Variants in KAT14 observed in about 807,000 individuals in gnomAD.
KAT14 encodes lysine acetyltransferase 14.
A neutral mutation model predicts 78.4 loss-of-function variants in KAT14; 66 were observed. That is an observed-to-expected ratio of 0.84 (90% CI 0.69 to 1.03). KAT14 has a LOEUF of 1.03. Ranked by LOEUF, KAT14 falls within the 50% of genes least tolerant of loss-of-function variation. The probability of loss-of-function intolerance (pLI) is 0.00; values close to 1 mark genes in which losing one functional copy is unlikely to be tolerated. For synonymous variants in KAT14, 344 were observed against 359.4 expected (o/e 0.96, Z 0.48); for missense variants, 870 against 972.5 (o/e 0.89, Z 1.40).
At chr20:18,149,525 G>T (rs2037960176) in intron 3 of KAT14, among the ~76,000 whole-genome samples, 1 of 152,192 alleles carries the variant, frequency 6.6e-6, no homozygotes, top group East Asian at 1.9e-4. Flanking sequence ...TTGAAACTTG[G>T]TTAGTGAAGG....
At chr20:18,137,604 G>C (rs1380666244), upstream of KAT14, among the ~76,000 whole-genome samples, 1 of 152,198 alleles carries the variant, frequency 6.6e-6, no homozygotes, top group African/African-American at 2.4e-5. Flanking sequence ...CCCGGGGTGA[G>C]GTTGGTACTG....
chr20:18,164,934 T>C (rs1189784500), intron 7 of KAT14, among the ~76,000 whole-genome samples: 1 of 152,146 alleles, frequency 6.6e-6, no homozygotes. Context: ...TATTCACCTG[T>C]TCTTTGTTCT....
intron 1 of KAT14, among the ~76,000 whole-genome samples, chr20:18,138,777 T>C (rs554144368): frequency 6.6e-6 from 1 of 152,288 alleles, no homozygotes; most frequent in East Asian, 1.9e-4. Flanking sequence ...TCAGTTCATA[T>C]TTTCTTTCTT....
Position 18,145,181 on chromosome 20 carries a change from G to GT in KAT14, c.260-50dup, listed in dbSNP as rs1199362558. ...GGTGATAAACGGATTAAACCTTTAG[G>GT]TTACCGCTGCTCTAGATAAACCCAT... On this transcript the variant is annotated intron_variant, in intron 2 of 10. Coordinates refer to ENST00000688188, the MANE Select transcript of KAT14 (RefSeq NM_001392073.1). 10 of 1,593,918 alleles carry GT rather than the reference G, an allele frequency of 6.3e-6. No individual in the cohort carries two copies. In the East Asian group the frequency reaches 2.0e-4, roughly 32 times the overall value.
At chr20:18,172,211 T>C (rs536761258) in intron 7 of KAT14, among the ~76,000 whole-genome samples, 82 of 151,540 alleles carry the variant, frequency 5.4e-4, no homozygotes, top group Admixed American at 9.9e-4. Flanking sequence ...AAGCGATTCT[T>C]CTGCCTCAGC....
rs79948152 is a variant in KAT14 at position 18,173,002 on chromosome 20, G to A, written c.1669-8708G>A. Among the ~76,000 whole-genome samples, 582 of 152,306 alleles carry A rather than the reference G, an allele frequency of 3.8e-3. 5 individuals are homozygous for A. Among genetic ancestry groups the A allele is most frequent in the African/African-American group, 0.013 (545 of 41,576 alleles). ...AGCTGGGACAGGATGGCTAGAGGGT[G>A]TGAAGTTAGGTATTTCTCTTCCCCC... On this transcript the variant is annotated intron_variant, in intron 7 of 10. Coordinates refer to ENST00000688188, the MANE Select transcript of KAT14 (RefSeq NM_001392073.1).
upstream of KAT14, chr20:18,137,761 T>A: frequency 2.0e-6 from 1 of 500,186 alleles, no homozygotes; most frequent in Non-Finnish European, 3.3e-6. Context: ...AAGCCAAGAG[T>A]TCGTAGAGCC....
In KAT14 at chr20:18,183,207, G is replaced by A. The variant is rs377654180; in HGVS notation, c.1890G>A (p.Thr630=). Residue 630 remains threonine (T), a synonymous_variant, in exon 9 of 11, where the codon ACG becomes ACA. Coordinates refer to ENST00000688188, the MANE Select transcript of KAT14 (RefSeq NM_001392073.1). ...SHLHRSDPHW[T]PEPDAPLDYC... is the part of the protein sequence containing the mutation. ...TGCACAGGAGCGACCCTCACTGGACGCCGGAGCCCGACGCACCTCTCGATT... is the reference window on the plus strand; with the variant it reads ...TGCACAGGAGCGACCCTCACTGGACACCGGAGCCCGACGCACCTCTCGATT... The A allele has an allele frequency of 4.3e-6, 7 of 1,613,958 alleles. No homozygotes were observed. Among genetic ancestry groups the A allele is most frequent in the African/African-American group, 1.3e-5 (1 of 74,878 alleles).
intron 7 of KAT14, among the ~76,000 whole-genome samples, chr20:18,165,740 G>T (rs544310621): frequency 6.6e-6 from 1 of 152,194 alleles, no homozygotes; most frequent in African/African-American, 2.4e-5. Context: ...TCACCATAGC[G>T]TATGCATCAG....
At chr20:18,184,291 A>T (rs921931497) in intron 9 of KAT14, among the ~76,000 whole-genome samples, 3 of 152,162 alleles carry the variant, frequency 2.0e-5, no homozygotes, top group African/African-American at 7.2e-5. Context: ...ACATTTTGAA[A>T]TGTGCCAAGC....
At chr20:18,186,244 C>T (rs1358445670) in intron 10 of KAT14, among the ~76,000 whole-genome samples, 1 of 152,174 alleles carries the variant, frequency 6.6e-6, no homozygotes. Flanking sequence ...CCAGCCAGAC[C>T]ATACCCCTGA....
In KAT14 at chr20:18,137,875, T is replaced by A; in HGVS notation, c.-630T>A. 1 of 1,373,126 alleles carries A rather than the reference T, an allele frequency of 7.3e-7. No homozygotes were observed. Among genetic ancestry groups the A allele is most frequent in the Non-Finnish European group, 9.5e-7 (1 of 1,054,542 alleles). The allele number at this position is 1,373,126 out of a possible 1,614,324, so 85.1% of individuals were successfully genotyped here. ...CGCTCGAGGGGTCGAGCCTGGGCAG[T>A]ACAGGCGGCGGTGCGCACTCTGCGG... On this transcript the variant is annotated 5_prime_UTR_variant, in exon 1 of 11. Coordinates refer to ENST00000688188, the MANE Select transcript of KAT14 (RefSeq NM_001392073.1).
chr20:18,144,649 GACTAAGAA>G lies in KAT14; in HGVS notation c.260-582_260-575del, dbSNP rs2037751665. Among the ~76,000 whole-genome samples the G allele has an allele frequency of 2.6e-5, 4 of 152,168 alleles. No homozygotes were observed. The South Asian group carries it at 8.3e-4, about 32-fold the overall frequency. On this transcript the variant is annotated intron_variant, in intron 2 of 10. Transcript: ENST00000688188. ...CACAGAGCATCAGCATCACCTGAGGGACTAAGAAATGTAACTCCTAGGCTCTGCTTCAG... is the reference window on the plus strand; with the variant it reads ...CACAGAGCATCAGCATCACCTGAGGGATGTAACTCCTAGGCTCTGCTTCAG...
intron 1 of KAT14, among the ~76,000 whole-genome samples, chr20:18,140,756 G>C (rs1233587694): frequency 7.0e-6 from 1 of 143,034 alleles, no homozygotes. Context: ...AGATTGCAGT[G>C]AGCTAAGATC....
chr20:18,187,782 A>G lies in KAT14; in HGVS notation c.*323A>G. On this transcript the variant is annotated 3_prime_UTR_variant, in exon 11 of 11. Transcript: ENST00000688188. ...CATCTAACCTGATGCTCTTGGAGAG[A>G]GATAACCTGTCTGTCATAACTTAAA... 1 of 332,618 alleles carries G rather than the reference A, an allele frequency of 3.0e-6. No individual in the cohort carries two copies. The highest frequency in any genetic ancestry group is 5.5e-6 in the Non-Finnish European group (1 of 182,146). The allele number at this position is 332,618 out of a possible 1,614,324, so 20.6% of individuals were successfully genotyped here.
intron 7 of KAT14, among the ~76,000 whole-genome samples, 155 bp downstream of exon 7, chr20:18,163,100 G>A (rs933835471): frequency 3.3e-5 from 5 of 152,324 alleles, no homozygotes; most frequent in African/African-American, 1.2e-4. Context: ...TACAAAAATC[G>A]CTGGGCTTTA....
intron 2 of KAT14, among the ~76,000 whole-genome samples, chr20:18,143,615 A>AT (rs201858697): frequency 0.16 from 15,302 of 98,444 alleles, 2,131 homozygotes; most frequent in Non-Finnish European, 0.2. Context: ...CACCTGGCTA[A>AT]TTTTTTTTTT....
rs1047022156 is a variant in KAT14 at position 18,162,769 on chromosome 20, C to G, written c.1492C>G (p.Gln498Glu). Residue 498 changes from glutamine (Q) to glutamate (E), a missense_variant, in exon 7 of 11, where the codon CAA (glutamine) becomes GAA (glutamate). Coordinates refer to ENST00000688188, the MANE Select transcript of KAT14 (RefSeq NM_001392073.1). ...RRLKRKLIVR[Q>E]AKRDRGLPLF... ...ACTGAAACGCAAACTGATTGTCAGA[C>G]AAGCGAAAAGGGATAGGGGATTACC... 1 of 1,614,236 alleles carries G rather than the reference C, an allele frequency of 6.2e-7. No individual in the cohort carries two copies. The highest frequency in any genetic ancestry group is 1.7e-5 in the Admixed American group (1 of 60,028).
intron 4 of KAT14, among the ~76,000 whole-genome samples, chr20:18,151,631 T>C (rs1430920556): frequency 6.6e-6 from 1 of 152,078 alleles, no homozygotes; most frequent in Non-Finnish European, 1.5e-5. Context: ...CCTTACCTTG[T>C]TAGAGATTTA....
Sources: gnomAD v4.1 joint callset for allele counts (sites outside exome capture counted in the v4.1 genomes callset) on GRCh38, gnomAD v4.1.1 for gene constraint, MANE v1.5 for transcripts, NCBI Gene and HGNC (gene_info 2026-07-23, HGNC 2026-07-21) for gene names.